Variants in PLXDC2 observed in about 807,000 individuals in gnomAD.
PLXDC2 encodes the protein plexin domain containing 2, also known as plexin domain-containing protein 2.
A neutral mutation model predicts 68.9 loss-of-function variants in PLXDC2; 40 were observed. The observed-to-expected ratio is 0.58, with a 90% CI of 0.45 to 0.76. The LOEUF (loss-of-function observed/expected upper bound fraction) is 0.76. Among genes scored for constraint, PLXDC2 ranks in the 30% least tolerant of loss-of-function variants. The pLI is 0.00. For missense variants in PLXDC2, 644 were observed against 661.9 expected, an observed-to-expected ratio of 0.97 and a Z score of 0.30; for synonymous variants, 243 against 234.2, an observed-to-expected ratio of 1.04 and a Z score of -0.34.
intron 1 of PLXDC2, among the ~76,000 whole-genome samples, chr10:19,869,433 AAGAAAGAG>A (rs1301137922): frequency 2.2e-4 from 29 of 131,410 alleles, no homozygotes; most frequent in South Asian, 8.7e-4. Flanking sequence ...GAAAGAAAGA[AAGAAAGAG>A]AGAAAGAGAG....
chr10:19,983,083 A>G (rs192264733), intron 1 of PLXDC2, among the ~76,000 whole-genome samples: 8 of 152,260 alleles, frequency 5.3e-5, no homozygotes, highest in Non-Finnish European at 1.2e-4. Context: ...ATCACATTTG[A>G]TGATATAAAT....
chr10:20,068,051 A>G (rs1836244901), intron 3 of PLXDC2, 119 bp from the exon 4 acceptor site: 1 of 797,742 alleles, frequency 1.3e-6, no homozygotes, highest in South Asian at 2.0e-5. Flanking sequence ...TTAAAAGAGA[A>G]CTACAATAAT....
intron 1 of PLXDC2, among the ~76,000 whole-genome samples, chr10:19,907,346 C>G (rs551865811): frequency 6.6e-6 from 1 of 152,226 alleles, no homozygotes; most frequent in Admixed American, 6.5e-5. Flanking sequence ...TTGTTTGTCC[C>G]AAGATGTTTC....
At chr10:20,270,857 C>T (rs1362326533) in intron 13 of PLXDC2, among the ~76,000 whole-genome samples, 1 of 151,098 alleles carries the variant, frequency 6.6e-6, no homozygotes, top group African/African-American at 2.4e-5. Context: ...TTAAAAACAT[C>T]AGAAGGCTTA....
At position 20,009,098 on chromosome 10, in the gene PLXDC2, A is replaced by G. The variant is rs570070016; in HGVS notation, c.324+7112A>G. On this transcript the variant is annotated intron_variant, in intron 2 of 13. Coordinates refer to ENST00000377252, the MANE Select transcript of PLXDC2 (RefSeq NM_032812.9). ...TTTTAAGCCTAAGGAAGCTCACTCA[A>G]TTTCAGAGGTCTGACAGTTACAATA... Among the ~76,000 whole-genome samples, 16 of 152,334 alleles carry G rather than the reference A, an allele frequency of 1.1e-4. No homozygotes were observed. The South Asian group carries it at 3.3e-3, about 32-fold the overall frequency.
chr10:20,132,350 T>C (rs1337602310), intron 4 of PLXDC2, among the ~76,000 whole-genome samples: 1 of 152,224 alleles, frequency 6.6e-6, no homozygotes, highest in Non-Finnish European at 1.5e-5. Context: ...TATATATCTC[T>C]GTTAAATTCA....
At chr10:20,132,187 C>T (rs573002687) in intron 4 of PLXDC2, among the ~76,000 whole-genome samples, 2 of 152,256 alleles carry the variant, frequency 1.3e-5, no homozygotes, top group East Asian at 3.9e-4. Flanking sequence ...TTTCTAATTT[C>T]ATTTCATCGT....
chr10:20,233,812 G>A (rs1391014270), intron 12 of PLXDC2, among the ~76,000 whole-genome samples: 3 of 151,956 alleles, frequency 2.0e-5, no homozygotes, highest in African/African-American at 4.8e-5. Context: ...TAATCATAGA[G>A]TTATTTTTAT....
chr10:20,033,974 G>A (rs1485426483), intron 2 of PLXDC2, among the ~76,000 whole-genome samples: 1 of 152,046 alleles, frequency 6.6e-6, no homozygotes, highest in African/African-American at 2.4e-5. Context: ...TTGTAATTTT[G>A]TTTTTGACTC....
intron 1 of PLXDC2, among the ~76,000 whole-genome samples, chr10:19,933,264 A>G (rs1833669524): frequency 6.6e-6 from 1 of 152,194 alleles, no homozygotes; most frequent in African/African-American, 2.4e-5. Context: ...TTTGGCCTAG[A>G]TCATTTACTG....
intron 1 of PLXDC2, among the ~76,000 whole-genome samples, chr10:19,847,784 A>G (rs1317110686): frequency 2.6e-5 from 4 of 152,320 alleles, no homozygotes; most frequent in East Asian, 1.9e-4. Context: ...TAACACCACT[A>G]TCACATAGAG....
chr10:19,957,701 T>G (rs1834093285), intron 1 of PLXDC2, among the ~76,000 whole-genome samples: 1 of 152,190 alleles, frequency 6.6e-6, no homozygotes, highest in Non-Finnish European at 1.5e-5. Context: ...TTTTGTTCAC[T>G]GATTTGATGG....
chr10:19,823,763 G>T (rs1836523696), intron 1 of PLXDC2, among the ~76,000 whole-genome samples: 1 of 152,194 alleles, frequency 6.6e-6, no homozygotes, highest in Non-Finnish European at 1.5e-5. Flanking sequence ...GAGACAGGGG[G>T]ATTGCTTGAG....
At chr10:19,981,730 CTT>C (rs904043245) in intron 1 of PLXDC2, among the ~76,000 whole-genome samples, 9 of 152,156 alleles carry the variant, frequency 5.9e-5, no homozygotes, top group African/African-American at 2.2e-4. Context: ...GCAGCCAACT[CTT>C]TGTAAATCTT....
At chr10:19,841,217 T>G (rs1162738149) in intron 1 of PLXDC2, among the ~76,000 whole-genome samples, 5 of 152,174 alleles carry the variant, frequency 3.3e-5, no homozygotes, top group East Asian at 1.9e-4. Flanking sequence ...TTGTTTTTAT[T>G]CATTTGACCA....
intron 1 of PLXDC2, among the ~76,000 whole-genome samples, chr10:19,948,618 A>G (rs1429654220): frequency 6.6e-6 from 1 of 151,894 alleles, no homozygotes; most frequent in Non-Finnish European, 1.5e-5. Context: ...TAATGCTCTG[A>G]GCTCTGAAGG....
chr10:20,021,456 A>G (rs746085530), intron 2 of PLXDC2, among the ~76,000 whole-genome samples: 20 of 151,950 alleles, frequency 1.3e-4, no homozygotes, highest in Admixed American at 2.6e-4. Flanking sequence ...TCCTGTTTTA[A>G]GTGAGAAAAT....
At chr10:20,009,315 C>G (rs759245574) in intron 2 of PLXDC2, among the ~76,000 whole-genome samples, 7 of 152,002 alleles carry the variant, frequency 4.6e-5, no homozygotes, top group African/African-American at 7.3e-5. Context: ...AGAAAGTATC[C>G]TTTGATATTG....
chr10:20,046,228 T>C (rs1835795980), intron 2 of PLXDC2, among the ~76,000 whole-genome samples: 1 of 152,094 alleles, frequency 6.6e-6, no homozygotes, highest in Non-Finnish European at 1.5e-5. Context: ...TTTGTTCTGG[T>C]GACAAATTAG....
Sources: gnomAD v4.1 joint callset for allele counts (sites outside exome capture counted in the v4.1 genomes callset) on GRCh38, gnomAD v4.1.1 for gene constraint, MANE v1.5 for transcripts, NCBI Gene and HGNC (gene_info 2026-07-23, HGNC 2026-07-21) for gene names.